DYNC2H1: variants seen among roughly 807,000 people sequenced by gnomAD.
DYNC2H1 encodes the protein cytoplasmic dynein 2 heavy chain 1.
A neutral mutation model predicts 570.0 loss-of-function variants in DYNC2H1; 410 were observed. The ratio of observed to expected loss-of-function variants is 0.72; its 90% confidence interval spans 0.66 to 0.78. The LOEUF (loss-of-function observed/expected upper bound fraction) is 0.78. DYNC2H1 is among the 30% of genes least tolerant of loss of function. The pLI is 0.00. For synonymous variants in DYNC2H1, 1,688 were observed against 1,677.6 expected (o/e 1.01, Z -0.15); for missense variants, 4,865 against 5,046.4 (o/e 0.96, Z 1.09).
At chr11:103,329,362 G>C (rs1288327250) in intron 82 of DYNC2H1, among the ~76,000 whole-genome samples, 1 of 151,672 alleles carries the variant, frequency 6.6e-6, no homozygotes, top group Non-Finnish European at 1.5e-5. Flanking sequence ...ATAAGGAATT[G>C]GGCATTATTC....
chr11:103,215,689 A>C (rs1027993082), intron 54 of DYNC2H1, 32 bp from the exon 55 acceptor site: 34 of 1,524,822 alleles, frequency 2.2e-5, no homozygotes, highest in Non-Finnish European at 2.8e-5. Flanking sequence ...TCCTTTTTTA[A>C]AATATTGCCG....
intron 82 of DYNC2H1, among the ~76,000 whole-genome samples, chr11:103,336,740 G>C (rs768800740): frequency 6.6e-6 from 1 of 152,100 alleles, no homozygotes; most frequent in Non-Finnish European, 1.5e-5. Context: ...GCCATATCTT[G>C]ACTATTGTGA....
At position 103,413,664 on chromosome 11, in the gene DYNC2H1, T is replaced by C. The variant is rs532934353; in HGVS notation, c.12366+13792T>C. On this transcript the variant is annotated intron_variant, in intron 84 of 88. Transcript: ENST00000375735. ...TTTGTTTGAACTGAACTGCATATAC[T>C]CATCTTCAAAGGCCTATCAAATACT... 7.2e-5 allele frequency among the ~76,000 whole-genome samples: 11 copies of C among 152,316 alleles called. No homozygotes were observed. In the East Asian group the frequency reaches 2.1e-3, roughly 29 times the overall value.
intron 55 of DYNC2H1, among the ~76,000 whole-genome samples, chr11:103,219,242 T>C (rs1863496416): frequency 6.6e-6 from 1 of 151,966 alleles, no homozygotes; most frequent in Non-Finnish European, 1.5e-5. Flanking sequence ...AAAAAAAAAC[T>C]CAGAATGACA....
intron 84 of DYNC2H1, among the ~76,000 whole-genome samples, chr11:103,413,111 A>C (rs1057177293): frequency 4.6e-5 from 7 of 152,220 alleles, no homozygotes; most frequent in African/African-American, 9.6e-5. Flanking sequence ...GAAATACTGC[A>C]GTCAGAATTC....
intron 83 of DYNC2H1, among the ~76,000 whole-genome samples, chr11:103,388,029 A>T (rs1202056746): frequency 6.6e-6 from 1 of 152,040 alleles, no homozygotes; most frequent in Non-Finnish European, 1.5e-5. Flanking sequence ...TTTTTTTCCA[A>T]TTCTGTGAAG....
Position 103,168,827 on chromosome 11 carries a change from A to G in DYNC2H1, c.4835A>G (p.Gln1612Arg), listed in dbSNP as rs1861443630. The G allele has an allele frequency of 1.9e-6, 3 of 1,613,374 alleles. No homozygotes were observed. Among genetic ancestry groups the G allele is most frequent in the Non-Finnish European group, 2.5e-6 (3 of 1,179,564 alleles). Residue 1612 changes from glutamine (Q) to arginine (R), a missense_variant, in exon 32 of 89, where the codon CAG becomes CGG. By Grantham distance (43) the Gln-to-Arg change is conservative. This residue lies in a region of DYNC2H1 where 1,936 missense variants were observed against 1,962.1 expected (regional missense o/e 0.99). Transcript: ENST00000375735. ...DIIHNIDVVK[Q>R]LNQIQVHTTE... is the part of the protein sequence containing the mutation. ...ATCCATAATATTGATGTGGTAAAGCAGTTAAACCAAATTCAGGTTCATACA... is the reference window on the plus strand; with the variant it reads ...ATCCATAATATTGATGTGGTAAAGCGGTTAAACCAAATTCAGGTTCATACA...
intron 31 of DYNC2H1, among the ~76,000 whole-genome samples, chr11:103,168,435 T>C (rs1054898905): frequency 6.6e-6 from 1 of 152,220 alleles, no homozygotes; most frequent in Non-Finnish European, 1.5e-5. Context: ...AGCAGTTCAA[T>C]GTATGTTGTC....
chr11:103,374,888 A>G (rs1043816282), intron 83 of DYNC2H1, among the ~76,000 whole-genome samples: 6 of 152,212 alleles, frequency 3.9e-5, no homozygotes, highest in South Asian at 2.1e-4. Flanking sequence ...CAAACCAGCT[A>G]TAGAAATTTG....
Position 103,289,813 on chromosome 11 carries a change from T to C in DYNC2H1, c.11095+2208T>C, listed in dbSNP as rs1288149585. ...TGTTGGATATAACCCATATATAATGTTGAATTAAATTTGACATCCTATATT... is the reference window on the plus strand; with the variant it reads ...TGTTGGATATAACCCATATATAATGCTGAATTAAATTTGACATCCTATATT... On this transcript the variant is annotated intron_variant, in intron 75 of 88. Coordinates refer to ENST00000375735, the MANE Select transcript of DYNC2H1 (RefSeq NM_001377.3). The surrounding 1 kb of genome is among the most constrained non-coding windows in gnomAD (Gnocchi z 4.2). Among the ~76,000 whole-genome samples the C allele has an allele frequency of 2.0e-5, 3 of 152,142 alleles. No homozygotes were observed. The highest frequency in any genetic ancestry group is 2.9e-5 in the Non-Finnish European group (2 of 68,004).
intron 81 of DYNC2H1, among the ~76,000 whole-genome samples, chr11:103,322,250 C>T (rs313398): frequency 0.44 from 66,311 of 151,694 alleles, 15,686 homozygotes; most frequent in Admixed American, 0.57. Context: ...TAGAGAATAT[C>T]GCATAATTAC....
rs200662615 is a variant in DYNC2H1, at chr11:103,441,854, ACTCATTTTTTGAGGTGT to A, written c.12456+5825_12456+5841del. ...ATTATAATTACATTGTTAGGTTTTC[ACTCATTTTTTGAGGTGT>A]CTTACTGTATTTTGGAAGGTTCTGC... On this transcript the variant is annotated intron_variant, in intron 85 of 88. Transcript: ENST00000375735. Among the ~76,000 whole-genome samples the A allele has an allele frequency of 9.5e-3, 1,440 of 152,070 alleles. 15 individuals carry two copies. The highest frequency in any genetic ancestry group is 0.033 in the African/African-American group (1,363 of 41,490).
In DYNC2H1 at chr11:103,283,047, A is replaced by T. The variant is rs755908182; in HGVS notation, c.10852A>T (p.Ile3618Leu). ...QKIRDQLPSWIDQERSWAVAT... is the reference protein window; with the variant it reads ...QKIRDQLPSWLDQERSWAVAT... The stretch of plus-strand genomic sequence containing the variant: ...AATACGTGATCAGCTTCCGTCTTGG[A>T]TAGATCAGGAACGAAGCTGGGCCGT... The change falls in exon 73 of 89, where the codon ATA becomes TTA. Residue 3618 changes from isoleucine to leucine, a missense_variant. Around this residue, in one of 5 missense-constraint regions of DYNC2H1, gnomAD observed 2,401 missense variants for 2,454.6 expected, o/e 0.98. Transcript: ENST00000375735. The T allele has an allele frequency of 6.2e-7, 1 of 1,608,928 alleles. No individual in the cohort carries two copies. The highest frequency in any genetic ancestry group is 8.5e-7 in the Non-Finnish European group (1 of 1,177,236).
At chr11:103,288,193 G>A (rs576857676) in intron 75 of DYNC2H1, among the ~76,000 whole-genome samples, 50 of 152,212 alleles carry the variant, frequency 3.3e-4, no homozygotes, top group African/African-American at 1.2e-3. Flanking sequence ...TTCTGATTTT[G>A]TAGCTAATTT....
chr11:103,253,120 T>G (rs1027871294), intron 65 of DYNC2H1, among the ~76,000 whole-genome samples, 165 bp from the exon 66 acceptor site: 1 of 152,200 alleles, frequency 6.6e-6, no homozygotes, highest in Non-Finnish European at 1.5e-5. Context: ...TAAGTGCTGA[T>G]AAATAGAACA....
rs190774254 is a variant in DYNC2H1, at chr11:103,209,824, T to G, written c.8455-52T>G. 18 of 1,337,236 alleles carry G rather than the reference T, an allele frequency of 1.3e-5. No homozygotes were observed. The Admixed American group carries it at 3.1e-4, about 23-fold the overall frequency. The allele number at this position is 1,337,236 out of a possible 1,614,324, so 82.8% of individuals were successfully genotyped here. A position where few individuals can be genotyped will look rare whatever the true frequency, so the allele number is the denominator to read the frequency against. On this transcript the variant is annotated intron_variant, in intron 52 of 88. Transcript: ENST00000375735. The surrounding 1 kb of genome is among the most constrained non-coding windows in gnomAD (Gnocchi z 4.2). The stretch of plus-strand genomic sequence containing the variant: ...TTTTTTTGTATTAAAGGTTTTTAAC[T>G]TATGATATGGGACTTATACTCTTTC...
intron 22 of DYNC2H1, 102 bp from the exon 23 acceptor site, chr11:103,154,349 G>A (rs1338069348): frequency 2.1e-6 from 2 of 970,410 alleles, no homozygotes; most frequent in African/African-American, 3.4e-5. Context: ...ACAAGTGTGT[G>A]TGTACACACA....
chr11:103,123,412 C>A (rs536624948), intron 11 of DYNC2H1, among the ~76,000 whole-genome samples: 2 of 152,060 alleles, frequency 1.3e-5, no homozygotes, highest in South Asian at 4.1e-4. Flanking sequence ...TGGTGCCCCA[C>A]GTAATATGGC....
chr11:103,467,839 C>T (rs927009040), intron 87 of DYNC2H1, among the ~76,000 whole-genome samples: 2 of 152,068 alleles, frequency 1.3e-5, no homozygotes, highest in Non-Finnish European at 2.9e-5. Context: ...GCCCAGCCGG[C>T]ACTGTACACT....
Sources: gnomAD v4.1 joint callset for allele counts (sites outside exome capture counted in the v4.1 genomes callset) on GRCh38, gnomAD v4.1.1 for gene constraint, gnomAD v4.1.1 regional missense constraint, Gnocchi (gnomAD v3.1) non-coding constraint, MANE v1.5 for transcripts, NCBI Gene and HGNC (gene_info 2026-07-23, HGNC 2026-07-21) for gene names.